The following ACTR3 variants were observed in gnomAD, a reference collection of about 807,000 sequenced individuals.
ACTR3 encodes the protein actin related protein 3, also known as actin-related protein 3.
A neutral mutation model predicts 56.8 loss-of-function variants in ACTR3; 12 were observed. The observed-to-expected ratio is 0.21, with a 90% CI of 0.14 to 0.34. The LOEUF (loss-of-function observed/expected upper bound fraction) is 0.34. Ranked by LOEUF, ACTR3 falls within the 10% of genes least tolerant of loss-of-function variation. ACTR3 has a pLI of 1.00. For synonymous variants in ACTR3, 162 were observed against 167.4 expected, an observed-to-expected ratio of 0.97 and a Z score of 0.25; for missense variants, 282 against 512.5, an observed-to-expected ratio of 0.55 and a Z score of 4.34.
At chr2:113,890,530 G>A (rs2104574226) in intron 1 of ACTR3, 2 of 1,364,232 alleles carry the variant, frequency 1.5e-6, no homozygotes, top group East Asian at 2.9e-5. Flanking sequence ...GCGGGGGCGC[G>A]GGCCCGAGAT....
At chr2:113,904,824 T>C (rs535290610) in intron 1 of ACTR3, 5 of 152,344 alleles carry the variant, frequency 3.3e-5, no homozygotes, top group African/African-American at 9.6e-5. Flanking sequence ...CTCTTTTCAT[T>C]TAATAACCAT....
In ACTR3 at chr2:113,890,251, G is replaced by A. The variant is rs1678858470; in HGVS notation, c.-29G>A. 6.5e-7 allele frequency: 1 copy of A among 1,549,918 alleles called. No individual in the cohort carries two copies. Among genetic ancestry groups the A allele is most frequent in the Admixed American group, 2.0e-5 (1 of 50,936 alleles). ...CCCCTAGCAGCACGGAGCAGACGGC[G>A]GCAGCAGCAGCAGCAGGCGAGGAGG... On this transcript the variant is annotated 5_prime_UTR_variant, in exon 1 of 12. Transcript: ENST00000263238.
chr2:113,925,270 A>G (rs1679596579), intron 3 of ACTR3, among the ~76,000 whole-genome samples: 1 of 143,254 alleles, frequency 7.0e-6, no homozygotes, highest in Non-Finnish European at 1.5e-5. Context: ...ATCTTGGCTC[A>G]CTGCAACCTC....
upstream of ACTR3, chr2:113,889,938 C>G (rs970189113): frequency 7.4e-6 from 4 of 537,674 alleles, no homozygotes; most frequent in African/African-American, 6.0e-5. Flanking sequence ...CTGGCCTGGC[C>G]GGGGCGTCGG....
At chr2:113,957,281 A>T (rs1421779830) in intron 11 of ACTR3, 79 bp from the exon 12 acceptor site, 4 of 966,156 alleles carry the variant, frequency 4.1e-6, no homozygotes, top group Non-Finnish European at 6.5e-6. Flanking sequence ...TTAAAGCATC[A>T]CTCTTAAAGT....
intron 11 of ACTR3, among the ~76,000 whole-genome samples, chr2:113,956,862 G>C (rs1680224193): frequency 6.6e-6 from 1 of 152,130 alleles, no homozygotes; most frequent in Non-Finnish European, 1.5e-5. Flanking sequence ...TTGTGACTTT[G>C]CCTTGAGAAA....
chr2:113,957,709 C>T lies in ACTR3; in HGVS notation c.*254C>T. Reference sequence around the variant, plus strand: ...AAAAAGAAGTGGGTTTTAGTTCTTTCTGTGCCCTGATATTTTGTATATTAA... The same window carrying T: ...AAAAAGAAGTGGGTTTTAGTTCTTTTTGTGCCCTGATATTTTGTATATTAA... On this transcript the variant is annotated 3_prime_UTR_variant, in exon 12 of 12. Coordinates refer to ENST00000263238, the MANE Select transcript of ACTR3 (RefSeq NM_005721.5). The T allele has an allele frequency of 2.5e-6, 1 of 404,272 alleles. No individual in the cohort carries two copies. The highest frequency in any genetic ancestry group is 4.5e-6 in the Non-Finnish European group (1 of 221,700). 25.0% of individuals were successfully genotyped at this position (404,272 alleles called of 1,614,324 possible). A position where few individuals can be genotyped will look rare whatever the true frequency, so the allele number is the denominator to read the frequency against.
chr2:113,919,676 C>A (rs1170357786), intron 3 of ACTR3, among the ~76,000 whole-genome samples: 3 of 152,128 alleles, frequency 2.0e-5, no homozygotes, highest in Non-Finnish European at 2.9e-5. Flanking sequence ...TAATTCCCAG[C>A]TCCGAGATAG....
intron 6 of ACTR3, among the ~76,000 whole-genome samples, chr2:113,936,302 C>CAAAAA (rs61526382): frequency 9.8e-4 from 77 of 78,260 alleles, no homozygotes; most frequent in African/African-American, 3.5e-3. Context: ...ACCCTGTCTC[C>CAAAAA]AAAAAAAAAA....
At chr2:113,904,373 G>C (rs559910302) in intron 1 of ACTR3, 1 of 152,264 alleles carries the variant, frequency 6.6e-6, no homozygotes, top group South Asian at 2.1e-4. Context: ...CAGCATTTGG[G>C]TCATGTTAGA....
intron 8 of ACTR3, among the ~76,000 whole-genome samples, chr2:113,950,465 C>T (rs1273825443): frequency 2.6e-5 from 4 of 152,174 alleles, no homozygotes; most frequent in Non-Finnish European, 4.4e-5. Context: ...ATGTGCACAT[C>T]AGTGGACTCA....
At chr2:113,932,718 C>T (rs987859373) in intron 5 of ACTR3, among the ~76,000 whole-genome samples, 3 of 152,020 alleles carry the variant, frequency 2.0e-5, no homozygotes, top group Non-Finnish European at 2.9e-5. Context: ...TTTGAACTTA[C>T]TTATAGAGGA....
intron 8 of ACTR3, 118 bp downstream of exon 8, chr2:113,942,477 T>A: frequency 2.9e-6 from 2 of 693,148 alleles, no homozygotes; most frequent in Non-Finnish European, 4.2e-6. Context: ...TGAGTTTTTA[T>A]GAAAAGTTTA....
At chr2:113,933,932 G>A (rs142949828) in intron 5 of ACTR3, 4,859 of 178,826 alleles carry the variant, frequency 0.027, 259 homozygotes, top group African/African-American at 0.11. Flanking sequence ...TGCCCGCCTC[G>A]GCCTCCCAAA....
At chr2:113,944,912 C>T (rs1041083345) in intron 8 of ACTR3, among the ~76,000 whole-genome samples, 1 of 152,040 alleles carries the variant, frequency 6.6e-6, no homozygotes, top group Non-Finnish European at 1.5e-5. Flanking sequence ...TTTAGTTGTG[C>T]AATAGTGTCC....
rs76476715 is a variant in ACTR3, at chr2:113,910,746, A to G, written c.45-2426A>G. 0.024 allele frequency among the ~76,000 whole-genome samples: 3,690 copies of G among 152,330 alleles called. 221 individuals carry two copies. In the East Asian group the frequency reaches 0.26, roughly 11 times the overall value. On this transcript the variant is annotated intron_variant, in intron 1 of 11. Coordinates refer to ENST00000263238, the MANE Select transcript of ACTR3 (RefSeq NM_005721.5). ...TGCTGTGGTGGTGGTGTGTAAGCAG[A>G]GGAAAAAACAATTAGAGCATTGTTT... is the stretch of plus-strand genomic sequence containing the variant.
intron 4 of ACTR3, among the ~76,000 whole-genome samples, chr2:113,928,831 T>C (rs1679666247): frequency 6.6e-6 from 1 of 152,198 alleles, no homozygotes; most frequent in African/African-American, 2.4e-5. Flanking sequence ...ATAGAGAAAT[T>C]ACTATCAGCG....
At chr2:113,912,985 A>C (rs1251402660) in intron 1 of ACTR3, among the ~76,000 whole-genome samples, 187 bp from the exon 2 acceptor site, 1 of 152,178 alleles carries the variant, frequency 6.6e-6, no homozygotes, top group African/African-American at 2.4e-5. Flanking sequence ...ATTTCTTTTC[A>C]GAAGCTCTGT....
intron 11 of ACTR3, among the ~76,000 whole-genome samples, chr2:113,956,103 G>C (rs1680207460): frequency 6.6e-6 from 1 of 151,730 alleles, no homozygotes; most frequent in Admixed American, 6.6e-5. Flanking sequence ...GTTGGGCCAG[G>C]CTGGTCTCAA....
Sources: gnomAD v4.1 joint callset for allele counts (sites outside exome capture counted in the v4.1 genomes callset) on GRCh38, gnomAD v4.1.1 for gene constraint, MANE v1.5 for transcripts, NCBI Gene and HGNC (gene_info 2026-07-23, HGNC 2026-07-21) for gene names.